The following KCNIP1 variants were observed in gnomAD, a reference collection of about 807,000 sequenced individuals.
KCNIP1 encodes potassium voltage-gated channel interacting protein 1.
A neutral mutation model predicts 33.0 loss-of-function variants in KCNIP1; 18 were observed. The ratio of observed to expected loss-of-function variants is 0.55; its 90% CI spans 0.38 to 0.81. KCNIP1 has a LOEUF of 0.81. KCNIP1 is among the 30% of genes least tolerant of loss of function. KCNIP1 has a pLI of 0.00. For synonymous variants in KCNIP1, 93 were observed against 98.3 expected (o/e 0.95, Z 0.32); for missense variants, 238 against 271.6 (o/e 0.88, Z 0.87).
intron 1 of KCNIP1, among the ~76,000 whole-genome samples, chr5:170,438,005 C>G (rs368144876): frequency 2.6e-5 from 4 of 152,360 alleles, no homozygotes; most frequent in African/African-American, 9.6e-5. Flanking sequence ...CCCCTGTTTG[C>G]TCCCCGCTGT....
At position 170,640,792 on chromosome 5, in the gene KCNIP1, T is replaced by C. The variant is rs1269337809; in HGVS notation, c.62-77966T>C. On this transcript the variant is annotated intron_variant, in intron 1 of 7. Transcript: ENST00000328939. ...CAACACGCCTTCTTGTCTGGAGAAC[T>C]GTAAATCTTGGAAACATCTTGCAAG... Among the ~76,000 whole-genome samples the C allele has an allele frequency of 3.3e-5, 5 of 152,268 alleles. No individual in the cohort carries two copies. The South Asian group carries it at 1.0e-3, about 32-fold the overall frequency.
At chr5:170,404,188 G>A (rs1269563070) in intron 1 of KCNIP1, among the ~76,000 whole-genome samples, 1 of 152,182 alleles carries the variant, frequency 6.6e-6, no homozygotes, top group African/African-American at 2.4e-5. Context: ...TTTTTAAAAT[G>A]TGCATTTATT....
chr5:170,367,685 C>T (rs2113301315), intron 1 of KCNIP1, among the ~76,000 whole-genome samples: 1 of 152,336 alleles, frequency 6.6e-6, no homozygotes, highest in East Asian at 1.9e-4. Context: ...TTCCATCTGT[C>T]ACTCCCTTTC....
In KCNIP1 at chr5:170,452,679, C is replaced by T. The variant is rs576183580; in HGVS notation, c.88+98715C>T. ...ATCAAATCTGTCTTTTGCCACTTCT[C>T]TCCCCACCCTGCTCCCTCTGCCTTT... On this transcript the variant is annotated intron_variant, in intron 1 of 7. Transcript: ENST00000377360. Among the ~76,000 whole-genome samples the T allele has an allele frequency of 4.6e-5, 7 of 152,334 alleles. No individual in the cohort carries two copies. In the South Asian group the frequency reaches 1.2e-3, roughly 27 times the overall value.
At chr5:170,364,149 C>T (rs547512360) in intron 1 of KCNIP1, among the ~76,000 whole-genome samples, 16 of 152,054 alleles carry the variant, frequency 1.1e-4, no homozygotes, top group South Asian at 6.2e-4. Context: ...TACAGGCGTG[C>T]GCCACCACCA....
Position 170,440,312 on chromosome 5 carries a change from A to G in KCNIP1, c.88+86348A>G, listed in dbSNP as rs138267984. 4.9e-3 allele frequency among the ~76,000 whole-genome samples: 753 copies of G among 152,266 alleles called. 7 individuals carry two copies. Among genetic ancestry groups the G allele is most frequent in the African/African-American group, 0.017 (703 of 41,556 alleles). ...ATCAGCCTGAGCAAACCAATACACAAGGGCCCAGATACCTAAACAGAAAAG... is the reference window on the plus strand; with the variant it reads ...ATCAGCCTGAGCAAACCAATACACAGGGGCCCAGATACCTAAACAGAAAAG... On this transcript the variant is annotated intron_variant, in intron 1 of 7. Transcript: ENST00000377360.
At chr5:170,509,234 G>T (rs1271913384) in intron 1 of KCNIP1, among the ~76,000 whole-genome samples, 2 of 152,178 alleles carry the variant, frequency 1.3e-5, no homozygotes, top group African/African-American at 2.4e-5. Context: ...AAAGTGCTGA[G>T]AACAGTGATT....
At chr5:170,727,619 C>T (rs1199841662) in intron 5 of KCNIP1, among the ~76,000 whole-genome samples, 5 of 152,108 alleles carry the variant, frequency 3.3e-5, no homozygotes, top group African/African-American at 1.2e-4. Flanking sequence ...ATATAGATTA[C>T]AAATCCTAAA....
upstream of KCNIP1, among the ~76,000 whole-genome samples, chr5:170,503,393 CAAAAA>C (rs10628243): frequency 9.8e-5 from 11 of 112,512 alleles, no homozygotes; most frequent in South Asian, 1.8e-3. Flanking sequence ...GACTCCGTCT[CAAAAA>C]AAAAAAAAAA....
chr5:170,433,313 A>C (rs1002122339), intron 1 of KCNIP1, among the ~76,000 whole-genome samples: 4 of 151,934 alleles, frequency 2.6e-5, no homozygotes, highest in Non-Finnish European at 5.9e-5. Flanking sequence ...CAGTCTCCTG[A>C]GTAGCTGGGA....
chr5:170,399,891 C>T (rs1754855086), intron 1 of KCNIP1, among the ~76,000 whole-genome samples: 1 of 152,222 alleles, frequency 6.6e-6, no homozygotes, highest in Non-Finnish European at 1.5e-5. Flanking sequence ...CTGATTATTT[C>T]CTTCCAACAG....
At chr5:170,714,822 A>C (rs940909443) in intron 1 of KCNIP1, among the ~76,000 whole-genome samples, 30 of 152,190 alleles carry the variant, frequency 2.0e-4, no homozygotes, top group African/African-American at 7.0e-4. Flanking sequence ...AAGAGTCCAA[A>C]AGTTTGAAAA....
chr5:170,658,532 A>G (rs1761357750), intron 1 of KCNIP1, among the ~76,000 whole-genome samples: 1 of 152,210 alleles, frequency 6.6e-6, no homozygotes, highest in Non-Finnish European at 1.5e-5. Flanking sequence ...ACTATAGCTC[A>G]CAGAGATCGC....
intron 1 of KCNIP1, among the ~76,000 whole-genome samples, chr5:170,522,939 A>G (rs140005713): frequency 1.4e-4 from 22 of 152,352 alleles, no homozygotes; most frequent in African/African-American, 5.0e-4. Flanking sequence ...TCGTGTCTGC[A>G]GCAGTTGTTG....
chr5:170,466,232 A>T (rs1561638628), intron 1 of KCNIP1, among the ~76,000 whole-genome samples: 1 of 152,132 alleles, frequency 6.6e-6, no homozygotes, highest in Admixed American at 6.5e-5. Context: ...TTGCAAACAG[A>T]ATGAACGGTG....
At chr5:170,691,973 A>C (rs192957026) in intron 1 of KCNIP1, among the ~76,000 whole-genome samples, 43 of 152,236 alleles carry the variant, frequency 2.8e-4, no homozygotes, top group African/African-American at 9.9e-4. Context: ...GCTTCCTCCA[A>C]TCCTCTTTTA....
At chr5:170,641,687 G>GT (rs1760567105) in intron 1 of KCNIP1, among the ~76,000 whole-genome samples, 2 of 152,208 alleles carry the variant, frequency 1.3e-5, no homozygotes, top group Non-Finnish European at 2.9e-5. Context: ...GGTACCATCT[G>GT]GCCAGGAACC....
At chr5:170,682,828 C>T (rs1426021792) in intron 1 of KCNIP1, among the ~76,000 whole-genome samples, 1 of 108,228 alleles carries the variant, frequency 9.2e-6, no homozygotes, top group African/African-American at 3.5e-5. Context: ...AGGGTTTCAC[C>T]ATGTTGGCCA....
chr5:170,662,911 G>C (rs1460900115), intron 1 of KCNIP1, among the ~76,000 whole-genome samples: 1 of 152,214 alleles, frequency 6.6e-6, no homozygotes, highest in African/African-American at 2.4e-5. Flanking sequence ...CTGGACTTTG[G>C]AAAGCCAAGA....
Sources: gnomAD v4.1 joint callset for allele counts (sites outside exome capture counted in the v4.1 genomes callset) on GRCh38, gnomAD v4.1.1 for gene constraint, MANE v1.5 for transcripts, NCBI Gene and HGNC (gene_info 2026-07-23, HGNC 2026-07-21) for gene names.